NSG2: variants seen among roughly 807,000 people sequenced by gnomAD.
The protein encoded by NSG2 is neuronal vesicle trafficking associated 2.
A neutral mutation model predicts 16.9 loss-of-function variants in NSG2; 4 were observed. The observed-to-expected ratio is 0.24, with a 90% CI of 0.12 to 0.54. The LOEUF is 0.54. Among genes scored for constraint, NSG2 ranks in the 20% least tolerant of loss-of-function variants. The pLI is 0.95. For synonymous variants in NSG2, 98 were observed against 88.7 expected (o/e 1.11, Z -0.59); for missense variants, 179 against 221.1 (o/e 0.81, Z 1.21).
In NSG2 at chr5:174,107,786, C is replaced by A. The variant is rs925707770; in HGVS notation, c.*281C>A. On this transcript the variant is annotated 3_prime_UTR_variant, in exon 5 of 5. Coordinates refer to ENST00000303177, the MANE Select transcript of NSG2 (RefSeq NM_015980.5). This position sits in a 1 kb window ranked among gnomAD's most constrained non-coding sequence, Gnocchi z 4.5. The stretch of plus-strand genomic sequence containing the variant: ...GTTCCCATGTAAGATATTTTTAAAG[C>A]CACTGCTTATTCTTTGTTAGGAAAA... 1 of 618,874 alleles carries A rather than the reference C, an allele frequency of 1.6e-6. No individual in the cohort carries two copies. Among genetic ancestry groups the A allele is most frequent in the Non-Finnish European group, 3.0e-6 (1 of 333,116 alleles). The allele number at this position is 618,874 out of a possible 1,614,324, so 38.3% of individuals were successfully genotyped here.
chr5:174,049,097 T>C (rs919072007), intron 2 of NSG2, among the ~76,000 whole-genome samples: 1 of 151,986 alleles, frequency 6.6e-6, no homozygotes, highest in Admixed American at 6.5e-5. Context: ...CCCAGCACTT[T>C]GGGAGGCTGA....
At chr5:174,045,923 T>C (rs577564485) in intron 1 of NSG2, 80 bp downstream of exon 1, 1 of 152,478 alleles carries the variant, frequency 6.6e-6, no homozygotes, top group African/African-American at 2.4e-5. Flanking sequence ...CCCTGTTTTG[T>C]CTAAACGTTC....
intron 3 of NSG2, among the ~76,000 whole-genome samples, chr5:174,084,791 C>T (rs940042315): frequency 2.6e-5 from 4 of 152,216 alleles, no homozygotes; most frequent in African/African-American, 9.6e-5. Context: ...TTTGCAGCTG[C>T]GGCAGGCAGA....
At chr5:174,106,815 G>A (rs941631912) in intron 4 of NSG2, among the ~76,000 whole-genome samples, 2 of 151,874 alleles carry the variant, frequency 1.3e-5, no homozygotes, top group Admixed American at 6.6e-5. Context: ...GGCTGGTGTT[G>A]AACTCCTGAC....
At chr5:174,096,341 T>A (rs1191401896) in intron 3 of NSG2, among the ~76,000 whole-genome samples, 1 of 151,836 alleles carries the variant, frequency 6.6e-6, no homozygotes, top group Non-Finnish European at 1.5e-5. Context: ...GAGGAGGAGA[T>A]AGTTGAGCTG....
intron 2 of NSG2, among the ~76,000 whole-genome samples, chr5:174,048,863 A>T (rs757902609): frequency 1.3e-5 from 2 of 152,228 alleles, no homozygotes; most frequent in African/African-American, 4.8e-5. Flanking sequence ...CATGCATGCA[A>T]CGTGAAGCCA....
intron 2 of NSG2, among the ~76,000 whole-genome samples, chr5:174,058,412 A>C (rs6889840): frequency 0.16 from 23,954 of 152,102 alleles, 2,468 homozygotes; most frequent in African/African-American, 0.29. Flanking sequence ...GCCTGGGCAA[A>C]AGAGCGAGAC....
chr5:174,049,439 G>T (rs557640760), intron 2 of NSG2, among the ~76,000 whole-genome samples: 1 of 113,658 alleles, frequency 8.8e-6, no homozygotes, highest in South Asian at 2.6e-4. Flanking sequence ...ATGTGCACGC[G>T]CACGTGCACA....
intron 3 of NSG2, among the ~76,000 whole-genome samples, chr5:174,071,725 C>A (rs1760246150): frequency 6.6e-6 from 1 of 152,282 alleles, no homozygotes; most frequent in South Asian, 2.1e-4. Flanking sequence ...ATTGTTACCC[C>A]ACTTGCATAT....
intron 3 of NSG2, among the ~76,000 whole-genome samples, chr5:174,094,276 G>T (rs1291892252): frequency 4.6e-5 from 7 of 152,128 alleles, no homozygotes; most frequent in African/African-American, 7.2e-5. Context: ...GTTTAAAGGA[G>T]ATCACACATA....
At chr5:174,051,353 C>A (rs761597605) in intron 2 of NSG2, among the ~76,000 whole-genome samples, 43 of 152,292 alleles carry the variant, frequency 2.8e-4, no homozygotes, top group Non-Finnish European at 4.3e-4. Flanking sequence ...TCCATGCCTT[C>A]ACCTCCATGA....
chr5:174,093,622 C>T (rs929229810), intron 3 of NSG2, among the ~76,000 whole-genome samples: 2 of 152,226 alleles, frequency 1.3e-5, no homozygotes, highest in African/African-American at 2.4e-5. Flanking sequence ...TTGTCAGGAT[C>T]TTTGGGGCTC....
chr5:174,063,510 A>T (rs1760089517), intron 2 of NSG2, among the ~76,000 whole-genome samples: 1 of 150,472 alleles, frequency 6.6e-6, no homozygotes, highest in African/African-American at 2.4e-5. Flanking sequence ...CAGAATCTTC[A>T]TCATAACTTT....
rs1413844740 is a variant in NSG2, at chr5:174,107,531, G to T, written c.*26G>T. The T allele has an allele frequency of 6.3e-7, 1 of 1,590,552 alleles. No homozygotes were observed. The highest frequency in any genetic ancestry group is 8.6e-7 in the Non-Finnish European group (1 of 1,165,072). On this transcript the variant is annotated 3_prime_UTR_variant, in exon 5 of 5. Transcript: ENST00000303177. The surrounding 1 kb of genome is among the most constrained non-coding windows in gnomAD (Gnocchi z 4.5). Reference sequence around the variant, plus strand: ...AGGCCTGCCCCAGCCAGAATGGGGGGCGGGGTGGAGAGGAGGACCCCCATT... The same window carrying T: ...AGGCCTGCCCCAGCCAGAATGGGGGTCGGGGTGGAGAGGAGGACCCCCATT...
intron 3 of NSG2, among the ~76,000 whole-genome samples, chr5:174,093,418 C>T (rs1581239935): frequency 6.6e-6 from 1 of 152,186 alleles, no homozygotes; most frequent in East Asian, 1.9e-4. Flanking sequence ...CTGAGGATTC[C>T]AAAGGGTAAG....
chr5:174,094,735 A>T (rs1760768278), intron 3 of NSG2, among the ~76,000 whole-genome samples: 1 of 152,204 alleles, frequency 6.6e-6, no homozygotes. Flanking sequence ...GACCATATGC[A>T]GTGATTTCAT....
intron 3 of NSG2, among the ~76,000 whole-genome samples, chr5:174,089,698 CAA>C (rs1454879577): frequency 6.6e-6 from 1 of 152,108 alleles, no homozygotes; most frequent in Non-Finnish European, 1.5e-5. Flanking sequence ...ACTGTAGCCT[CAA>C]ACTCCCTGGG....
At position 174,096,238 on chromosome 5, in the gene NSG2, A is replaced by C. The variant is rs148220174; in HGVS notation, c.214-7990A>C. On this transcript the variant is annotated intron_variant, in intron 3 of 4. Transcript: ENST00000303177. ...AGAGGGGCGGCAGACAGGTGAGGTT[A>C]ATTAAAGTGCCCTAGGAGAAGTGTC... 3.7e-3 allele frequency among the ~76,000 whole-genome samples: 556 copies of C among 152,304 alleles called. 3 individuals carry two copies. The highest frequency in any genetic ancestry group is 0.012 in the African/African-American group (505 of 41,570).
At chr5:174,086,832 C>T (rs538820353) in intron 3 of NSG2, among the ~76,000 whole-genome samples, 1 of 152,228 alleles carries the variant, frequency 6.6e-6, no homozygotes, top group Non-Finnish European at 1.5e-5. Flanking sequence ...TTATCTCCTA[C>T]ATCGGCAGGG....
Sources: allele counts gnomAD v4.1 joint callset (sites outside exome capture counted in the v4.1 genomes callset), GRCh38; gene constraint gnomAD v4.1.1; non-coding constraint Gnocchi (gnomAD v3.1); transcripts MANE v1.5; gene names NCBI Gene and HGNC (gene_info 2026-07-23, HGNC 2026-07-21).